The following KRT32 variants were observed in gnomAD, a reference collection of about 807,000 sequenced individuals.
KRT32 encodes keratin, type I cuticular Ha2.
A neutral mutation model predicts 41.8 loss-of-function variants in KRT32; 44 were observed. That is an observed-to-expected ratio of 1.05 (90% CI 0.83 to 1.35). The LOEUF (loss-of-function observed/expected upper bound fraction) is 1.35. Ranked by LOEUF, KRT32 falls within the 40% of genes most tolerant of loss-of-function variation. The probability of loss-of-function intolerance (pLI) is 0.00; values close to 1 mark genes in which losing one functional copy is unlikely to be tolerated. For synonymous variants in KRT32, 238 were observed against 242.5 expected, an observed-to-expected ratio of 0.98 and a Z score of 0.17; for missense variants, 576 against 584.6, an observed-to-expected ratio of 0.99 and a Z score of 0.15.
At chr17:41,462,111 C>T (rs2019006561) in intron 6 of KRT32, among the ~76,000 whole-genome samples, 1 of 152,158 alleles carries the variant, frequency 6.6e-6, no homozygotes, top group African/African-American at 2.4e-5. Context: ...CTACTATGTG[C>T]CACGTACAGG....
intron 6 of KRT32, among the ~76,000 whole-genome samples, chr17:41,462,430 TAG>T (rs1446310843): frequency 6.6e-6 from 1 of 152,190 alleles, no homozygotes; most frequent in African/African-American, 2.4e-5. Flanking sequence ...CAGGATTGTG[TAG>T]GTACTATTAA....
rs779061952 is a variant in KRT32, at chr17:41,460,060, C to A, written c.*50G>T. The A allele has an allele frequency of 1.3e-6, 2 of 1,540,500 alleles. No homozygotes were observed. Among genetic ancestry groups the A allele is most frequent in the Admixed American group, 3.9e-5 (2 of 51,218 alleles). Reference sequence around the variant, plus strand: ...CTGCTCTTCTGGTGGCCACTGAATACCAGGCTGCCCAGCCCCAGGCCCTCC... The same window carrying A: ...CTGCTCTTCTGGTGGCCACTGAATAACAGGCTGCCCAGCCCCAGGCCCTCC... On this transcript the variant is annotated 3_prime_UTR_variant, in exon 7 of 7. Coordinates refer to ENST00000225899, the MANE Select transcript of KRT32 (RefSeq NM_002278.3).
Position 41,467,270 on chromosome 17 carries a change from G to T in KRT32, c.56C>A (p.Pro19His). ...GCTGGAACAGACCGAGGCAGGCCGG[G>T]GGCAGCTCTTGAGAGAGGCTTGCAA... ...NNLQASLKSC[P>H]RPASVCSSGV... The change falls in exon 1 of 7, where the codon CCC becomes CAC. Residue 19 changes from proline to histidine, a missense_variant. Pro to His is a moderately conservative substitution (Grantham distance 77). Coordinates refer to ENST00000225899, the MANE Select transcript of KRT32 (RefSeq NM_002278.3). The T allele has an allele frequency of 6.2e-7, 1 of 1,613,450 alleles. No individual in the cohort carries two copies. Among genetic ancestry groups the T allele is most frequent in the East Asian group, 2.2e-5 (1 of 44,892 alleles).
intron 5 of KRT32, among the ~76,000 whole-genome samples, chr17:41,463,691 A>C (rs1019960878): frequency 1.4e-5 from 2 of 142,766 alleles, no homozygotes; most frequent in Non-Finnish European, 3.1e-5. Flanking sequence ...TGGGCAACAG[A>C]GTGAGACTCC....
At chr17:41,462,262 C>T (rs1384508573) in intron 6 of KRT32, among the ~76,000 whole-genome samples, 4 of 152,046 alleles carry the variant, frequency 2.6e-5, no homozygotes, top group African/African-American at 7.2e-5. Flanking sequence ...CAGTATGACC[C>T]GTGTTGTTCT....
rs187936624 is a variant in KRT32 at position 41,460,070 on chromosome 17, C to G, written c.*40G>C. 3 of 1,553,756 alleles carry G rather than the reference C, an allele frequency of 1.9e-6. No homozygotes were observed. The African/African-American group carries it at 4.1e-5, about 21-fold the overall frequency. Reference sequence around the variant, plus strand: ...GGTGGCCACTGAATACCAGGCTGCCCAGCCCCAGGCCCTCCAGGATCCACT... The same window carrying G: ...GGTGGCCACTGAATACCAGGCTGCCGAGCCCCAGGCCCTCCAGGATCCACT... On this transcript the variant is annotated 3_prime_UTR_variant, in exon 7 of 7. Coordinates refer to ENST00000225899, the MANE Select transcript of KRT32 (RefSeq NM_002278.3).
At position 41,467,361 on chromosome 17, in the gene KRT32, T is replaced by A; in HGVS notation, c.-36A>T. The A allele has an allele frequency of 6.5e-7, 1 of 1,528,902 alleles. No homozygotes were observed. Among genetic ancestry groups the A allele is most frequent in the Middle Eastern group, 1.7e-4 (1 of 5,854 alleles). The allele number at this position is 1,528,902 out of a possible 1,614,324, so 94.7% of individuals were successfully genotyped here. On this transcript the variant is annotated 5_prime_UTR_variant, in exon 1 of 7. Transcript: ENST00000225899. ...CCCTTTCTCCTCAGCCACAGCTACCTGGATGTCTACAGACCCCATGCCGCC... is the reference window on the plus strand; with the variant it reads ...CCCTTTCTCCTCAGCCACAGCTACCAGGATGTCTACAGACCCCATGCCGCC...
intron 4 of KRT32, 30 bp from the exon 5 acceptor site, chr17:41,464,233 T>G (rs751486516): frequency 6.3e-7 from 1 of 1,590,744 alleles, no homozygotes; most frequent in South Asian, 1.1e-5. Flanking sequence ...AAGGCTAGAG[T>G]CCCTTCCTAG....
rs1354888818 is a variant in KRT32, at chr17:41,467,127, G to A, written c.199C>T (p.Leu67=). 6.2e-7 allele frequency: 1 copy of A among 1,614,178 alleles called. No individual in the cohort carries two copies. Among genetic ancestry groups the A allele is most frequent in the South Asian group, 1.1e-5 (1 of 91,086 alleles). The change falls in exon 1 of 7, where the codon CTA becomes TTA. Residue 67 remains leucine (L), a synonymous_variant. Transcript: ENST00000225899. ...CTGGCTGCCTGGCAGGAACTGGATA[G>A]ATAGGTTTTGGAGAGGCAGCTGGCT... is the stretch of plus-strand genomic sequence containing the variant. ...RPASCLSKTY[L]SSSCQAASGI...
chr17:41,462,287 C>T (rs1462870940), intron 6 of KRT32, among the ~76,000 whole-genome samples: 3 of 152,102 alleles, frequency 2.0e-5, no homozygotes, highest in Admixed American at 6.6e-5. Flanking sequence ...AAATGGGCCC[C>T]GGCTGATCTT....
Position 41,467,305 on chromosome 17 carries a change from G to A in KRT32, c.21C>T (p.Val7=). 1 of 1,610,430 alleles carries A rather than the reference G, an allele frequency of 6.2e-7. No individual in the cohort carries two copies. Among genetic ancestry groups the A allele is most frequent in the Non-Finnish European group, 8.5e-7 (1 of 1,178,464 alleles). Residue 7 remains valine (V), a synonymous_variant, in exon 1 of 7, where the codon GTC becomes GTT. Transcript: ENST00000225899. Reference sequence around the variant, plus strand: ...TGAGAGAGGCTTGCAAGTTGTTGGTGACACAGCAGGAGGATGTCATGTTGG... The same window carrying A: ...TGAGAGAGGCTTGCAAGTTGTTGGTAACACAGCAGGAGGATGTCATGTTGG... The part of the protein sequence containing the change: MTSSCC[V]TNNLQASLKS...
Position 41,464,210 on chromosome 17 carries a change from T to C in KRT32, c.871-7A>G, listed in dbSNP as rs200712962. On this transcript the variant is annotated splice_region_variant and splice_polypyrimidine_tract_variant and intron_variant, in intron 4 of 6. Coordinates refer to ENST00000225899, the MANE Select transcript of KRT32 (RefSeq NM_002278.3). ...GTTGGTTAAGCTCCTCCATCTGCAG[T>C]TGGGGGAAGGAGAAGGCTAGAGTCC... 38 of 1,598,996 alleles carry C rather than the reference T, an allele frequency of 2.4e-5. No homozygotes were observed. The South Asian group carries it at 2.5e-4, about 10-fold the overall frequency.
At position 41,462,954 on chromosome 17, in the gene KRT32, G is replaced by A. The variant is rs1356794489; in HGVS notation, c.1093C>T (p.Leu365=). ...TCCAGGTCAGCCCGGATCTCAGCCA[G>A]CTGGGCCTCAACGTTGGTGATCATG... The part of the protein sequence containing the change: ...QCMITNVEAQ[L]AEIRADLERQ... The change falls in exon 6 of 7, where the codon CTG becomes TTG. Residue 365 remains leucine, a synonymous_variant. Transcript: ENST00000225899. 6.8e-6 allele frequency: 11 copies of A among 1,613,934 alleles called. No homozygotes were observed. Among genetic ancestry groups the A allele is most frequent in the Middle Eastern group, 1.6e-4 (1 of 6,084 alleles).
At position 41,466,894 on chromosome 17, in the gene KRT32, C is replaced by A. The variant is rs151232491; in HGVS notation, c.432G>T (p.Gln144His). 24 of 1,614,084 alleles carry A rather than the reference C, an allele frequency of 1.5e-5. No homozygotes were observed. The highest frequency in any genetic ancestry group is 2.2e-5 in the East Asian group (1 of 44,884). ...GCTCCTCAATGGTCCTGAAATGAGA[C>A]TGGTAGTCAGGAGTCATGGTGAGCA... Reference protein sequence around the residue: ...SQVLTMTPDYQSHFRTIEELQ... With the variant: ...SQVLTMTPDYHSHFRTIEELQ... Residue 144 changes from glutamine (Q) to histidine (H), a missense_variant, in exon 1 of 7, where the codon CAG (glutamine) becomes CAT (histidine). Transcript: ENST00000225899.
intron 6 of KRT32, among the ~76,000 whole-genome samples, chr17:41,460,800 T>C (rs1183368497): frequency 2.0e-5 from 3 of 152,154 alleles, no homozygotes; most frequent in African/African-American, 4.8e-5. Context: ...ACCACCACCA[T>C]GGCACATGTA....
intron 6 of KRT32, among the ~76,000 whole-genome samples, chr17:41,460,656 A>C (rs1440373283): frequency 6.6e-6 from 1 of 152,178 alleles, no homozygotes; most frequent in Admixed American, 6.5e-5. Context: ...CAATGAGAAC[A>C]CATGGACACA....
At chr17:41,464,498 C>T in intron 3 of KRT32, 55 bp from the exon 4 acceptor site, 1 of 1,472,966 alleles carries the variant, frequency 6.8e-7, no homozygotes, top group Non-Finnish European at 9.1e-7. Flanking sequence ...TCCTGGCTCA[C>T]CTCCCCAGGG....
rs2019039489 is a variant in KRT32, at chr17:41,464,119, C to T, written c.955G>A (p.Val319Ile). The change falls in exon 5 of 7, where the codon GTC (valine) becomes ATC (isoleucine). Residue 319 changes from valine to isoleucine, a missense_variant. Transcript: ENST00000225899. ...QSDIIDLRRT[V>I]NTLEIELQAQ... Reference sequence around the variant, plus strand: ...TGCAGCTCGATCTCCAGCGTGTTGACCGTGCGTCTCAGGTCAATGATGTCT... The same window carrying T: ...TGCAGCTCGATCTCCAGCGTGTTGATCGTGCGTCTCAGGTCAATGATGTCT... 6.2e-7 allele frequency: 1 copy of T among 1,611,930 alleles called. No homozygotes were observed. Among genetic ancestry groups the T allele is most frequent in the Admixed American group, 1.7e-5 (1 of 59,864 alleles).
rs140623475 is a variant in KRT32, at chr17:41,462,816, C to T, written c.1217+14G>A. Reference sequence around the variant, plus strand: ...CTGCCCACGTCTCTCTAAGCCTCAGCTGGGCCTGCGTACTTGCAGTCCTCG... The same window carrying T: ...CTGCCCACGTCTCTCTAAGCCTCAGTTGGGCCTGCGTACTTGCAGTCCTCG... On this transcript the variant is annotated intron_variant, in intron 6 of 6. Transcript: ENST00000225899. 3.6e-4 allele frequency: 583 copies of T among 1,612,446 alleles called. 10 individuals carry two copies. The East Asian group carries it at 0.013, about 36-fold the overall frequency.
Sources: gnomAD v4.1 joint callset for allele counts (sites outside exome capture counted in the v4.1 genomes callset) on GRCh38, gnomAD v4.1.1 for gene constraint, MANE v1.5 for transcripts, NCBI Gene and HGNC (gene_info 2026-07-23, HGNC 2026-07-21) for gene names.